The following SLC39A11 variants were observed in gnomAD, a reference collection of about 807,000 sequenced individuals.
SLC39A11 encodes zinc transporter ZIP11.
SLC39A11 carries 33 observed loss-of-function variants against 36.1 expected under a neutral mutation model. The ratio of observed to expected loss-of-function variants is 0.91; its 90% CI spans 0.69 to 1.22. The LOEUF (loss-of-function observed/expected upper bound fraction) is 1.22, where lower values mean the gene tolerates loss of function less well. Ranked by LOEUF, SLC39A11 falls within the 50% of genes most tolerant of loss-of-function variation. The pLI, the probability that SLC39A11 is intolerant of heterozygous loss-of-function variation, is 0.00. For missense variants in SLC39A11, 432 were observed against 430.3 expected, an observed-to-expected ratio of 1.00 and a Z score of -0.03; for synonymous variants, 166 against 170.3, an observed-to-expected ratio of 0.97 and a Z score of 0.20.
At chr17:73,046,530 G>A (rs528872243) in intron 3 of SLC39A11, among the ~76,000 whole-genome samples, 4 of 152,244 alleles carry the variant, frequency 2.6e-5, no homozygotes, top group Non-Finnish European at 1.5e-5. Context: ...TTCAGATAAA[G>A]AATAAATACT....
intron 4 of SLC39A11, among the ~76,000 whole-genome samples, chr17:73,020,036 GA>G (rs1267187878): frequency 6.7e-6 from 1 of 149,338 alleles, no homozygotes; most frequent in Non-Finnish European, 1.5e-5. Flanking sequence ...TAAAACTGAA[GA>G]ATCACACTCC....
At chr17:73,038,665 C>T (rs1437271405) in intron 3 of SLC39A11, among the ~76,000 whole-genome samples, 1 of 150,000 alleles carries the variant, frequency 6.7e-6, no homozygotes, top group Non-Finnish European at 1.5e-5. Context: ...TGGGATGGAG[C>T]CACTGCACTC....
chr17:72,653,603 C>A (rs1198319310), intron 7 of SLC39A11, among the ~76,000 whole-genome samples: 1 of 151,972 alleles, frequency 6.6e-6, no homozygotes, highest in African/African-American at 2.4e-5. Context: ...CCACGCCCAG[C>A]TAATTTTTGT....
At chr17:72,813,426 A>C (rs572697006) in intron 6 of SLC39A11, among the ~76,000 whole-genome samples, 2 of 152,380 alleles carry the variant, frequency 1.3e-5, no homozygotes, top group East Asian at 3.9e-4. Flanking sequence ...ATTCTAAAGC[A>C]TAATATTAAT....
chr17:72,727,036 C>T (rs955673398), intron 7 of SLC39A11, among the ~76,000 whole-genome samples: 3 of 152,154 alleles, frequency 2.0e-5, no homozygotes, highest in Non-Finnish European at 4.4e-5. Context: ...CTGGGATGGC[C>T]GCTGCACCTG....
chr17:72,776,626 A>C (rs1358097449), intron 6 of SLC39A11, among the ~76,000 whole-genome samples: 1 of 151,232 alleles, frequency 6.6e-6, no homozygotes, highest in East Asian at 1.9e-4. Flanking sequence ...AAAAAAAAAA[A>C]AAACAGAAGA....
intron 5 of SLC39A11, among the ~76,000 whole-genome samples, chr17:72,915,069 G>T (rs187947907): frequency 8.6e-5 from 13 of 151,994 alleles, no homozygotes; most frequent in African/African-American, 3.1e-4. Context: ...GAGCCTCCCG[G>T]GTATCTCAGT....
chr17:73,023,309 A>C (rs1208361059), intron 4 of SLC39A11, among the ~76,000 whole-genome samples: 1 of 152,128 alleles, frequency 6.6e-6, no homozygotes, highest in African/African-American at 2.4e-5. Flanking sequence ...TATACTTTAT[A>C]ATGTGACTGT....
intron 3 of SLC39A11, chr17:73,067,826 T>A: frequency 6.5e-7 from 1 of 1,547,034 alleles, no homozygotes; most frequent in African/African-American, 1.4e-5. Context: ...GTCTCTTCTG[T>A]GAAAATCCAT....
intron 7 of SLC39A11, among the ~76,000 whole-genome samples, chr17:72,702,146 T>A (rs2072674933): frequency 6.6e-6 from 1 of 152,130 alleles, no homozygotes; most frequent in Non-Finnish European, 1.5e-5. Flanking sequence ...TTTCTCAGGG[T>A]GGACAGATCA....
intron 5 of SLC39A11, among the ~76,000 whole-genome samples, chr17:72,942,489 T>G (rs2085176396): frequency 6.6e-6 from 1 of 152,174 alleles, no homozygotes; most frequent in Non-Finnish European, 1.5e-5. Flanking sequence ...ACACATTATT[T>G]CGGAAACCTA....
At chr17:72,702,259 C>T (rs527830864) in intron 7 of SLC39A11, among the ~76,000 whole-genome samples, 3 of 152,166 alleles carry the variant, frequency 2.0e-5, no homozygotes, top group African/African-American at 7.2e-5. Context: ...CTGTTTTTTT[C>T]TTTAGGCAGC....
intron 6 of SLC39A11, chr17:72,838,897 G>C (rs551470924): frequency 6.6e-6 from 1 of 152,292 alleles, no homozygotes; most frequent in Non-Finnish European, 1.5e-5. Flanking sequence ...AGGGGAAAAG[G>C]GCCCATGAGA....
At chr17:72,791,867 G>GT (rs1480046038) in intron 6 of SLC39A11, among the ~76,000 whole-genome samples, 3 of 152,192 alleles carry the variant, frequency 2.0e-5, no homozygotes, top group African/African-American at 7.2e-5. Context: ...CACCATGATT[G>GT]TAAGTTTCCT....
At chr17:72,965,776 G>A (rs1194257321) in intron 4 of SLC39A11, among the ~76,000 whole-genome samples, 1 of 152,200 alleles carries the variant, frequency 6.6e-6, no homozygotes, top group African/African-American at 2.4e-5. Flanking sequence ...CATGCAGGGA[G>A]ATACAAGGTG....
intron 9 of SLC39A11, 104 bp from the exon 10 acceptor site, chr17:72,647,766 C>G (rs1356821892): frequency 1.2e-6 from 1 of 842,774 alleles, no homozygotes; most frequent in East Asian, 2.7e-5. Flanking sequence ...AGAAAGCACA[C>G]TACCATTAAT....
At chr17:72,968,682 C>A (rs757156480) in intron 4 of SLC39A11, among the ~76,000 whole-genome samples, 2 of 152,106 alleles carry the variant, frequency 1.3e-5, no homozygotes, top group Non-Finnish European at 2.9e-5. Context: ...GAACTCTACA[C>A]AAAGGACAGA....
intron 6 of SLC39A11, among the ~76,000 whole-genome samples, chr17:72,740,062 T>TTTTC (rs1356561361): frequency 2.8e-4 from 22 of 78,310 alleles, no homozygotes; most frequent in African/African-American, 9.8e-4. Context: ...TTTTCTTTTT[T>TTTTC]TTTTTTTTTT....
chr17:72,942,562 C>T (rs1037392778), intron 5 of SLC39A11, among the ~76,000 whole-genome samples: 9 of 152,078 alleles, frequency 5.9e-5, no homozygotes, highest in Non-Finnish European at 1.0e-4. Flanking sequence ...TTTAAGATCA[C>T]TAAATTTGAC....
Sources: allele counts gnomAD v4.1 joint callset (sites outside exome capture counted in the v4.1 genomes callset), GRCh38; gene constraint gnomAD v4.1.1; transcripts MANE v1.5; gene names NCBI Gene and HGNC (gene_info 2026-07-23, HGNC 2026-07-21).